TENM4: variants seen among roughly 807,000 people sequenced by gnomAD.
TENM4 encodes teneurin-4.
Under a neutral mutation model 243.3 loss-of-function variants are expected in TENM4, and 82 were observed. The observed-to-expected ratio is 0.34, with a 90% CI of 0.28 to 0.40. TENM4 has a LOEUF of 0.40. TENM4 is among the 10% of genes least tolerant of loss of function. The probability of loss-of-function intolerance (pLI) is 1.00; values close to 1 mark genes in which losing one functional copy is unlikely to be tolerated. For synonymous variants in TENM4, 1,412 were observed against 1,456.3 expected (o/e 0.97, Z 0.69); for missense variants, 3,138 against 3,673.3 (o/e 0.85, Z 3.77).
At chr11:79,385,691 T>A (rs1442162385) in intron 1 of TENM4, among the ~76,000 whole-genome samples, 4 of 151,930 alleles carry the variant, frequency 2.6e-5, no homozygotes, top group Non-Finnish European at 5.9e-5. Flanking sequence ...GAAAGATTTG[T>A]GAGATTTATC....
chr11:78,669,676 C>A lies in TENM4; in HGVS notation c.6669G>T (p.Leu2223=). ...WRYSYDLNGN[L]HLLSPGNSAR... The stretch of plus-strand genomic sequence containing the variant: ...CACTGTTCCCAGGGCTCAGTAAGTG[C>A]AGGTTCCCATTGAGGTCGTAGCTGT... Residue 2223 remains leucine (L), a synonymous_variant, in exon 32 of 34, where the codon CTG becomes CTT. Coordinates refer to ENST00000278550, the MANE Select transcript of TENM4 (RefSeq NM_001098816.3). The surrounding 1 kb of genome is among the most constrained non-coding windows in gnomAD (Gnocchi z 6.4). The A allele has an allele frequency of 6.2e-7, 1 of 1,613,954 alleles. No homozygotes were observed. Among genetic ancestry groups the A allele is most frequent in the Non-Finnish European group, 8.5e-7 (1 of 1,179,898 alleles).
intron 1 of TENM4, among the ~76,000 whole-genome samples, chr11:79,432,624 G>A (rs187502773): frequency 6.6e-6 from 1 of 152,314 alleles, no homozygotes; most frequent in East Asian, 1.9e-4. Flanking sequence ...CAAGGTTGGG[G>A]AGGGTGGATA....
Position 78,912,200 on chromosome 11 carries a change from C to G in TENM4, c.494-8677G>C, listed in dbSNP as rs185216764. Reference sequence around the variant, plus strand: ...ACCACAAAGAGAGATGAGGTTGGAACCCACCTTTAAGAGCCTGGAGCCAGA... The same window carrying G: ...ACCACAAAGAGAGATGAGGTTGGAAGCCACCTTTAAGAGCCTGGAGCCAGA... On this transcript the variant is annotated intron_variant, in intron 6 of 33. Transcript: ENST00000278550. Among the ~76,000 whole-genome samples, 811 of 152,266 alleles carry G rather than the reference C, an allele frequency of 5.3e-3. 3 individuals carry two copies. Among genetic ancestry groups the G allele is most frequent in the Non-Finnish European group, 7.3e-3 (497 of 68,012 alleles).
chr11:79,059,781 T>C (rs962491362), intron 6 of TENM4, among the ~76,000 whole-genome samples: 1 of 152,212 alleles, frequency 6.6e-6, no homozygotes, highest in Non-Finnish European at 1.5e-5. Context: ...TAACCACTGA[T>C]GTGCTCTTTT....
intron 1 of TENM4, among the ~76,000 whole-genome samples, chr11:79,404,461 A>G (rs112405973): frequency 0.02 from 3,077 of 152,250 alleles, 127 homozygotes; most frequent in African/African-American, 0.071. Context: ...GGAAGGGGAA[A>G]TGGGGAGTGA....
chr11:79,261,363 G>T (rs1271929052), intron 2 of TENM4, among the ~76,000 whole-genome samples: 1 of 152,192 alleles, frequency 6.6e-6, no homozygotes, highest in Non-Finnish European at 1.5e-5. Flanking sequence ...CTGTGGAATG[G>T]ACATTCATTA....
intron 27 of TENM4, among the ~76,000 whole-genome samples, chr11:78,708,090 T>C (rs1358371431): frequency 2.0e-5 from 3 of 152,240 alleles, no homozygotes; most frequent in Admixed American, 2.0e-4. Context: ...TGTAAAGCTC[T>C]GTCTATCCTA....
chr11:79,282,714 C>T (rs1372505535), intron 2 of TENM4, among the ~76,000 whole-genome samples: 1 of 151,980 alleles, frequency 6.6e-6, no homozygotes, highest in East Asian at 1.9e-4. Flanking sequence ...TGGTCTTGTT[C>T]AGCATGTGGT....
intron 14 of TENM4, among the ~76,000 whole-genome samples, chr11:78,808,920 C>G (rs1041371122): frequency 4.6e-5 from 7 of 152,150 alleles, no homozygotes; most frequent in African/African-American, 9.7e-5. Flanking sequence ...GTGACAATCC[C>G]CTAGACCCAG....
intron 1 of TENM4, among the ~76,000 whole-genome samples, chr11:79,334,247 A>T (rs1857111101): frequency 6.6e-6 from 1 of 152,170 alleles, no homozygotes. Context: ...GTCTGGCAGG[A>T]CTCAGCTGGA....
At chr11:79,261,240 A>G (rs1254204715) in intron 2 of TENM4, among the ~76,000 whole-genome samples, 5 of 152,108 alleles carry the variant, frequency 3.3e-5, no homozygotes, top group Admixed American at 3.3e-4. Context: ...ATACCTGGAG[A>G]TCGACCTCTG....
intron 4 of TENM4, among the ~76,000 whole-genome samples, chr11:79,088,501 C>T (rs568874347): frequency 6.6e-6 from 1 of 152,302 alleles, no homozygotes; most frequent in African/African-American, 2.4e-5. Flanking sequence ...AGCTGTGTGC[C>T]AGGCACAATT....
chr11:79,286,726 C>T (rs115104838), intron 2 of TENM4, among the ~76,000 whole-genome samples: 20 of 152,056 alleles, frequency 1.3e-4, no homozygotes, highest in African/African-American at 4.1e-4. Context: ...TTAGGACTGG[C>T]GTGAGGATTA....
chr11:78,907,797 G>A (rs1856096008), intron 6 of TENM4, among the ~76,000 whole-genome samples: 1 of 152,172 alleles, frequency 6.6e-6, no homozygotes, highest in Non-Finnish European at 1.5e-5. Context: ...CACGCTACCT[G>A]GGAGTACACA....
chr11:79,381,927 C>T (rs1468361591), intron 1 of TENM4, among the ~76,000 whole-genome samples: 1 of 152,012 alleles, frequency 6.6e-6, no homozygotes, highest in Non-Finnish European at 1.5e-5. Flanking sequence ...TGACAATGGA[C>T]GGGCTATACA....
chr11:78,846,226 C>T (rs17137241), intron 12 of TENM4, among the ~76,000 whole-genome samples: 5,025 of 152,274 alleles, frequency 0.033, 93 homozygotes, highest in Middle Eastern at 0.088. Context: ...TAGGCTTCTA[C>T]GTGTTTCTCT....
intron 16 of TENM4, among the ~76,000 whole-genome samples, chr11:78,781,293 T>A (rs968771169): frequency 5.3e-5 from 8 of 152,202 alleles, no homozygotes; most frequent in African/African-American, 1.9e-4. Context: ...TCCTGCATCT[T>A]TCTCTTCAGA....
Position 78,688,118 on chromosome 11 carries a change from G to T in TENM4, c.5196C>A (p.Ser1732Arg), listed in dbSNP as rs1565332604. The change falls in exon 29 of 34, where the codon AGC becomes AGA. Residue 1732 changes from serine (S) to arginine (R), a missense_variant. Physicochemically the swap from Ser to Arg is moderately radical, Grantham distance 110. This residue lies in a region of TENM4 where 2,467 missense variants were observed against 3,059.1 expected (regional missense o/e 0.81). Transcript: ENST00000278550. ...SSVHVQVETS[S>R]KDDVTITTNL... ...TGGTGGTTATGGTGACATCATCCTT[G>T]CTGGAGGTCTCTACCTGGACATGCA... The T allele has an allele frequency of 6.2e-7, 1 of 1,613,836 alleles. No homozygotes were observed. Among genetic ancestry groups the T allele is most frequent in the Non-Finnish European group, 8.5e-7 (1 of 1,179,890 alleles).
rs548418385 is a variant in TENM4, at chr11:78,869,526, G to C, written c.1085-6394C>G. Among the ~76,000 whole-genome samples, 16 of 152,266 alleles carry C rather than the reference G, an allele frequency of 1.1e-4. No individual in the cohort carries two copies. In the East Asian group the frequency reaches 3.1e-3, roughly 29 times the overall value. On this transcript the variant is annotated intron_variant, in intron 9 of 33. Coordinates refer to ENST00000278550, the MANE Select transcript of TENM4 (RefSeq NM_001098816.3). The stretch of plus-strand genomic sequence containing the variant: ...GAGAAAGATGATACAGCATGGGGGA[G>C]GGGTCCTGACTTTGAGCTTTTGCCT...
Sources: gnomAD v4.1 joint callset for allele counts (sites outside exome capture counted in the v4.1 genomes callset) on GRCh38, gnomAD v4.1.1 for gene constraint, gnomAD v4.1.1 regional missense constraint, Gnocchi (gnomAD v3.1) non-coding constraint, MANE v1.5 for transcripts, NCBI Gene and HGNC (gene_info 2026-07-23, HGNC 2026-07-21) for gene names.